The following BEND2 variants were observed in gnomAD, a reference collection of about 807,000 sequenced individuals.
The protein encoded by BEND2 is BEN domain-containing protein 2.
Under a neutral mutation model 43.8 loss-of-function variants are expected in BEND2, and 19 were observed. That is an observed-to-expected ratio of 0.43 (90% CI 0.30 to 0.64). The LOEUF (loss-of-function observed/expected upper bound fraction) is 0.64. Ranked by LOEUF, BEND2 falls within the 30% of genes least tolerant of loss-of-function variation. BEND2 has a pLI of 0.11. For missense variants in BEND2, 544 were observed against 574.0 expected, an observed-to-expected ratio of 0.95 and a Z score of 0.53; for synonymous variants, 226 against 210.1, an observed-to-expected ratio of 1.08 and a Z score of -0.66.
intron 5 of BEND2, among the ~76,000 whole-genome samples, chrX:18,202,680 T>A (rs1179904799): frequency 8.9e-6 from 1 of 111,925 alleles, no homozygotes; most frequent in Non-Finnish European, 1.9e-5. Context: ...GGTATTTTGT[T>A]ATAGTAACAC....
intron 6 of BEND2, among the ~76,000 whole-genome samples, chrX:18,196,547 G>C (rs990717769): frequency 9.1e-6 from 1 of 109,907 alleles, no homozygotes. Context: ...ATACCAAAGA[G>C]TGGGAGGGGG....
chrX:18,197,307 C>T lies in BEND2; in HGVS notation c.1034-1865G>A, dbSNP rs781150427. On this transcript the variant is annotated intron_variant, in intron 6 of 13. Coordinates refer to ENST00000380033, the MANE Select transcript of BEND2 (RefSeq NM_153346.5). ...AAAATTAGCCAGGCATGGTGGCATG[C>T]CCTATAGTTCCAGCTACTTGGGAGG... Among the ~76,000 whole-genome samples, 5 of 110,655 alleles carry T rather than the reference C, an allele frequency of 4.5e-5. No individual in the cohort carries two copies. The South Asian group carries it at 1.2e-3, about 26-fold the overall frequency.
chrX:18,181,449 T>C (rs1470615363), intron 8 of BEND2, among the ~76,000 whole-genome samples: 1 of 111,175 alleles, frequency 9.0e-6, no homozygotes, highest in African/African-American at 3.3e-5. Flanking sequence ...TTAAAGGAAC[T>C]GTGGTAAATC....
At chrX:18,186,454 G>A (rs1173309987) in intron 8 of BEND2, among the ~76,000 whole-genome samples, 1 of 85,649 alleles carries the variant, frequency 1.2e-5, no homozygotes, top group Admixed American at 1.3e-4. Context: ...AGGAAACTCC[G>A]TCGGAAAAAA....
Position 18,195,396 on chromosome X carries a change from G to A in BEND2, c.1080C>T (p.Asn360=). 3.3e-6 allele frequency: 4 copies of A among 1,208,004 alleles called. No individual in the cohort carries two copies. Among genetic ancestry groups the A allele is most frequent in the African/African-American group, 1.7e-5 (1 of 57,428 alleles). The change falls in exon 7 of 14, where the codon AAC becomes AAT. Residue 360 remains asparagine (N), a synonymous_variant. Transcript: ENST00000380033. The stretch of plus-strand genomic sequence containing the variant: ...ACACTGTCTGAGAGTTATTTTCCAC[G>A]TTGGTTTCTGTTGTTCCTGGCATTT... ...LTEMPGTTET[N]VENNSQTVYY... is the part of the protein sequence containing the mutation.
intron 12 of BEND2, among the ~76,000 whole-genome samples, chrX:18,171,705 G>T (rs1923982835): frequency 8.9e-6 from 1 of 111,888 alleles, no homozygotes; most frequent in South Asian, 3.7e-4. Flanking sequence ...AAATCACTGT[G>T]ATTACACATG....
At chrX:18,219,704 G>A (rs994930458) in intron 1 of BEND2, among the ~76,000 whole-genome samples, 14 of 111,746 alleles carry the variant, frequency 1.3e-4, no homozygotes, top group Admixed American at 9.5e-5. Context: ...CCAGGAGTTC[G>A]AGACCAGTGT....
intron 4 of BEND2, among the ~76,000 whole-genome samples, chrX:18,205,759 T>C (rs1163122562): frequency 1.8e-5 from 2 of 110,366 alleles, no homozygotes; most frequent in Non-Finnish European, 3.8e-5. Context: ...ACTGGCAGTA[T>C]CAACAACACC....
intron 2 of BEND2, among the ~76,000 whole-genome samples, chrX:18,214,651 C>T (rs1430407148): frequency 9.3e-6 from 1 of 107,262 alleles, no homozygotes; most frequent in Non-Finnish European, 1.9e-5. Flanking sequence ...ATGTGAACTC[C>T]TCTCTCTATT....
intron 6 of BEND2, among the ~76,000 whole-genome samples, chrX:18,196,628 G>GA (rs955688557): frequency 3.8e-5 from 3 of 79,910 alleles, no homozygotes; most frequent in African/African-American, 1.4e-4. Flanking sequence ...AAGATTATCA[G>GA]AAAAAAAAGA....
rs1482831613 is a variant in BEND2 at position 18,201,835 on chromosome X, A to G, written c.1013T>C (p.Val338Ala). Residue 338 changes from valine (V) to alanine (A), a missense_variant, in exon 6 of 14, where the codon GTC becomes GCC. Transcript: ENST00000380033. ...CTCACCAAAATAGGGAGGGATGAAG[A>G]CAGATAAAGAGGCAGTATTTTGGCC... ...YNGQNTASLSVFIPPYFAEKI... is the reference protein window; with the variant it reads ...YNGQNTASLSAFIPPYFAEKI... 1 of 1,208,662 alleles carries G rather than the reference A, an allele frequency of 8.3e-7. No homozygotes were observed. Among genetic ancestry groups the G allele is most frequent in the Admixed American group, 2.2e-5 (1 of 45,537 alleles).
chrX:18,197,172 C>G (rs1296149437), intron 6 of BEND2, among the ~76,000 whole-genome samples: 1 of 112,250 alleles, frequency 8.9e-6, no homozygotes, highest in Admixed American at 9.4e-5. Context: ...CGGTGGCTCA[C>G]GCCTATAATC....
chrX:18,183,862 T>C, intron 8 of BEND2, among the ~76,000 whole-genome samples: 1 of 111,440 alleles, frequency 9.0e-6, no homozygotes, highest in Admixed American at 9.5e-5. Context: ...ACCAGGTAGA[T>C]TCCTGAGGTC....
At chrX:18,169,332 T>G (rs944662641) in intron 13 of BEND2, among the ~76,000 whole-genome samples, 1 of 110,989 alleles carries the variant, frequency 9.0e-6, no homozygotes, top group Non-Finnish European at 1.9e-5. Flanking sequence ...GTGTTAATTA[T>G]ATCAGTGAAG....
chrX:18,212,875 G>A (rs888044926), intron 3 of BEND2, among the ~76,000 whole-genome samples, 195 bp from the exon 4 acceptor site: 1 of 112,100 alleles, frequency 8.9e-6, no homozygotes, highest in East Asian at 2.8e-4. Context: ...TTATGACTAG[G>A]AATAAGAATC....
chrX:18,165,338 T>C (rs1254982920), intron 13 of BEND2, 115 bp from the exon 14 acceptor site: 3 of 570,943 alleles, frequency 5.3e-6, no homozygotes, highest in Non-Finnish European at 8.6e-6. Flanking sequence ...AACACTTTAA[T>C]TAAACACACA....
intron 6 of BEND2, among the ~76,000 whole-genome samples, chrX:18,196,231 A>G (rs139271767): frequency 0.014 from 1,450 of 106,047 alleles, 28 homozygotes; most frequent in African/African-American, 0.046. Context: ...CCTGGGAGGT[A>G]GAGGTTGCAG....
chrX:18,203,379 T>A, intron 5 of BEND2, 122 bp downstream of exon 5: 2 of 845,798 alleles, frequency 2.4e-6, no homozygotes, highest in Non-Finnish European at 3.3e-6. Context: ...TACATATGAA[T>A]CTATAATGGC....
intron 6 of BEND2, among the ~76,000 whole-genome samples, chrX:18,196,694 GAA>G (rs59301009): frequency 0.031 from 2,229 of 71,143 alleles, 62 homozygotes; most frequent in African/African-American, 0.1. Flanking sequence ...CATACTGACT[GAA>G]AAAAAAAAAA....
Sources: allele counts gnomAD v4.1 joint callset (sites outside exome capture counted in the v4.1 genomes callset), GRCh38; gene constraint gnomAD v4.1.1; transcripts MANE v1.5; gene names NCBI Gene and HGNC (gene_info 2026-07-23, HGNC 2026-07-21).